IMPG1: variants seen among roughly 807,000 people sequenced by gnomAD.
The protein encoded by IMPG1 is interphotoreceptor matrix proteoglycan of 150 kDa.
IMPG1 carries 85 observed loss-of-function variants against 92.0 expected under a neutral mutation model. That is an observed-to-expected ratio of 0.92 (90% CI 0.78 to 1.11). The LOEUF (loss-of-function observed/expected upper bound fraction) is 1.11, where lower values mean the gene tolerates loss of function less well. Ranked by LOEUF, IMPG1 falls within the 50% of genes least tolerant of loss-of-function variation. The pLI is 0.00. For synonymous variants in IMPG1, 367 were observed against 334.1 expected (o/e 1.10, Z -1.08); for missense variants, 1,022 against 956.0 (o/e 1.07, Z -0.91).
At chr6:76,015,886 A>G (rs1464271606) in intron 7 of IMPG1, among the ~76,000 whole-genome samples, 1 of 151,882 alleles carries the variant, frequency 6.6e-6, no homozygotes, top group African/African-American at 2.4e-5. Context: ...TCCCACAAAC[A>G]TTTATCTGGG....
intron 4 of IMPG1, 152 bp downstream of exon 4, chr6:76,034,163 C>T (rs1358038287): frequency 1.4e-6 from 1 of 696,166 alleles, no homozygotes; most frequent in Non-Finnish European, 2.5e-6. Flanking sequence ...ATCTTCAGTA[C>T]ATTATATGCA....
intron 10 of IMPG1, among the ~76,000 whole-genome samples, 188 bp from the exon 11 acceptor site, chr6:76,004,138 A>G (rs73466852): frequency 0.022 from 3,356 of 152,320 alleles, 128 homozygotes; most frequent in African/African-American, 0.076. Context: ...GGACAGTTGC[A>G]AAGGGTGCAT....
At chr6:76,022,279 C>G (rs761552405) in intron 5 of IMPG1, 60 bp from the exon 6 acceptor site, 2 of 911,678 alleles carry the variant, frequency 2.2e-6, no homozygotes, top group South Asian at 2.7e-5. Context: ...TAAATTAGAA[C>G]GAGGTCAAAA....
rs371846155 is a variant in IMPG1 at position 75,950,989 on chromosome 6, T to C, written c.1397A>G (p.Asp466Gly). The C allele has an allele frequency of 3.1e-6, 5 of 1,613,834 alleles. No homozygotes were observed. In the African/African-American group the frequency reaches 6.7e-5, roughly 22 times the overall value. ...CATTGTCTGGTCAGTGGCCATTGTA[T>C]CTGTGGTGCCTTGATCAGTCAGAGA... The part of the protein sequence containing the change: ...IFSLTDQGTT[D>G]TMATDQTMLV... Residue 466 changes from aspartate to glycine, a missense_variant, in exon 13 of 17, where the codon GAT becomes GGT. By Grantham distance (94) the Asp-to-Gly change is moderately conservative. Around this residue, in one of 3 missense-constraint regions of IMPG1, gnomAD observed 681 missense variants for 583.6 expected, o/e 1.17. Transcript: ENST00000369950.
intron 4 of IMPG1, among the ~76,000 whole-genome samples, chr6:76,025,649 C>A (rs919883851): frequency 6.6e-5 from 10 of 152,158 alleles, no homozygotes; most frequent in African/African-American, 1.7e-4. Context: ...AAATCTCAGA[C>A]CCTCAAGCCT....
At chr6:76,023,028 C>A (rs1783460945) in intron 5 of IMPG1, among the ~76,000 whole-genome samples, 1 of 152,128 alleles carries the variant, frequency 6.6e-6, no homozygotes, top group African/African-American at 2.4e-5. Context: ...GTATGTGGTA[C>A]CTGGGAATCT....
In IMPG1 at chr6:76,005,282, C is replaced by T; in HGVS notation, c.1135+5G>A. 1.9e-6 allele frequency: 3 copies of T among 1,613,568 alleles called. No individual in the cohort carries two copies. On this transcript the variant is annotated splice_donor_5th_base_variant and intron_variant, in intron 10 of 16. Transcript: ENST00000369950. Reference sequence around the variant, plus strand: ...AAACTCAGAACTAAGCAATCATTAACTGACCATCAGTGAACTGAATTGTCC... The same window carrying T: ...AAACTCAGAACTAAGCAATCATTAATTGACCATCAGTGAACTGAATTGTCC...
chr6:75,924,705 T>TC lies in IMPG1; in HGVS notation c.2244-1000_2244-999insG, dbSNP rs1781514406. 1.6e-3 allele frequency among the ~76,000 whole-genome samples: 14 copies of TC among 8,950 alleles called. 5 individuals carry two copies. Among genetic ancestry groups the TC allele is most frequent in the African/African-American group, 2.9e-3 (12 of 4,176 alleles). The allele number at this position is 8,950 out of a possible 152,430, so 5.9% of individuals were successfully genotyped here. The stretch of plus-strand genomic sequence containing the variant: ...TATATTATATATAAATAATTATATA[T>TC]AATATATAATATATAATATAATTAT... On this transcript the variant is annotated intron_variant, in intron 15 of 16. Coordinates refer to ENST00000369950, the MANE Select transcript of IMPG1 (RefSeq NM_001563.4).
At chr6:76,024,763 T>C (rs1443828473) in intron 5 of IMPG1, 1 of 244,304 alleles carries the variant, frequency 4.1e-6, no homozygotes, top group Non-Finnish European at 8.1e-6. Context: ...GTTAAGTTGA[T>C]GACATCCATA....
At chr6:76,037,090 C>CTGAAGAAACACT (rs1316668670) in intron 2 of IMPG1, among the ~76,000 whole-genome samples, 1 of 152,162 alleles carries the variant, frequency 6.6e-6, no homozygotes, top group East Asian at 1.9e-4. Flanking sequence ...ATCTGACTTA[C>CTGAAGAAACACT]TGAAGAAACA....
intron 1 of IMPG1, among the ~76,000 whole-genome samples, chr6:76,063,009 G>T (rs1486941478): frequency 6.6e-6 from 1 of 151,882 alleles, no homozygotes; most frequent in Non-Finnish European, 1.5e-5. Context: ...TTCGAGACCA[G>T]CCTGGCCAAT....
intron 1 of IMPG1, among the ~76,000 whole-genome samples, chr6:76,053,249 C>T (rs1478525813): frequency 2.0e-5 from 3 of 152,128 alleles, no homozygotes; most frequent in South Asian, 4.1e-4. Context: ...TGTGATTGTA[C>T]CTCACAAATG....
rs746117801 is a variant in IMPG1 at position 75,947,481 on chromosome 6, AGTATT to A, written c.1872_1876del (p.Glu624AspfsTer2). 3 of 1,613,760 alleles carry A rather than the reference AGTATT, an allele frequency of 1.9e-6. No individual in the cohort carries two copies. The African/African-American group carries it at 4.0e-5, about 22-fold the overall frequency. On this transcript the variant is annotated frameshift_variant, in exon 14 of 17. Coordinates refer to ENST00000369950, the MANE Select transcript of IMPG1 (RefSeq NM_001563.4). LOFTEE classifies it high-confidence loss of function. ...AATCACACTCCCGTTTCTGAAGTTA[AGTATT>A]TCAAGTTGCTTAAATCCTGTAAGAT...
chr6:75,982,953 T>C (rs577811389), intron 12 of IMPG1, among the ~76,000 whole-genome samples: 208 of 152,084 alleles, frequency 1.4e-3, no homozygotes, highest in Non-Finnish European at 2.6e-3. Context: ...TAGTCAGTCA[T>C]CCCTTCATCT....
intron 12 of IMPG1, among the ~76,000 whole-genome samples, chr6:75,994,224 C>T (rs574742439): frequency 5.4e-4 from 83 of 152,310 alleles, no homozygotes; most frequent in African/African-American, 1.9e-3. Context: ...GGAATGAAAC[C>T]TCTAAATCAG....
Position 76,018,705 on chromosome 6 carries a change from C to A in IMPG1, c.807+13G>T. Reference sequence around the variant, plus strand: ...CAGCTTGAGGTGTGGTTGTATGGGCCGGGTCTACTCACCTGAAGTTGGGAC... The same window carrying A: ...CAGCTTGAGGTGTGGTTGTATGGGCAGGGTCTACTCACCTGAAGTTGGGAC... On this transcript the variant is annotated intron_variant, in intron 7 of 16. Coordinates refer to ENST00000369950, the MANE Select transcript of IMPG1 (RefSeq NM_001563.4). 6.2e-7 allele frequency: 1 copy of A among 1,611,084 alleles called. No individual in the cohort carries two copies. The highest frequency in any genetic ancestry group is 1.3e-5 in the African/African-American group (1 of 74,880).
intron 5 of IMPG1, among the ~76,000 whole-genome samples, chr6:76,023,560 A>G (rs1783471588): frequency 6.6e-6 from 1 of 152,166 alleles, no homozygotes; most frequent in South Asian, 2.1e-4. Context: ...CTTCACACCT[A>G]GGCACCTAGT....
chr6:76,028,411 CAA>C (rs1783590594), intron 4 of IMPG1, among the ~76,000 whole-genome samples: 1 of 152,206 alleles, frequency 6.6e-6, no homozygotes, highest in Non-Finnish European at 1.5e-5. Context: ...TCAAACCAAA[CAA>C]GAGTTAATTA....
intron 7 of IMPG1, among the ~76,000 whole-genome samples, chr6:76,017,846 G>C (rs777155664): frequency 6.6e-6 from 1 of 152,124 alleles, no homozygotes. Flanking sequence ...TCTGCCCCCC[G>C]GGTTCAAGCG....
Sources: gnomAD v4.1 joint callset for allele counts (sites outside exome capture counted in the v4.1 genomes callset) on GRCh38, gnomAD v4.1.1 for gene constraint, gnomAD v4.1.1 regional missense constraint, MANE v1.5 for transcripts, NCBI Gene and HGNC (gene_info 2026-07-23, HGNC 2026-07-21) for gene names.